The following MEOX1 variants were observed in gnomAD, a reference collection of about 807,000 sequenced individuals.
MEOX1 encodes homeobox protein MOX-1.
In MEOX1, 17 loss-of-function variants were observed where a neutral mutation model predicts 23.2. The observed-to-expected ratio is 0.73, with a 90% CI of 0.50 to 1.10. MEOX1 has a LOEUF of 1.10. Ranked by LOEUF, MEOX1 falls within the 50% of genes least tolerant of loss-of-function variation. MEOX1 has a pLI of 0.00. For synonymous variants in MEOX1, 134 were observed against 135.1 expected (o/e 0.99, Z 0.06); for missense variants, 333 against 332.2 (o/e 1.00, Z -0.02).
chr17:43,658,322 C>T (rs1225970145), intron 1 of MEOX1, among the ~76,000 whole-genome samples: 3 of 152,108 alleles, frequency 2.0e-5, no homozygotes, highest in Non-Finnish European at 4.4e-5. Context: ...TCCTGACCAA[C>T]ATGGTAAAAC....
At chr17:43,645,370 C>G (rs1157167735) in intron 1 of MEOX1, among the ~76,000 whole-genome samples, 2 of 151,848 alleles carry the variant, frequency 1.3e-5, no homozygotes, top group Non-Finnish European at 1.5e-5. Context: ...GTAGAGACGA[C>G]GTTTCACTGT....
At chr17:43,656,705 T>C (rs1469862499) in intron 1 of MEOX1, among the ~76,000 whole-genome samples, 1 of 152,188 alleles carries the variant, frequency 6.6e-6, no homozygotes, top group African/African-American at 2.4e-5. Flanking sequence ...CGGATTCACC[T>C]GTAGCCACTC....
At chr17:43,659,668 A>G (rs1214056070) in intron 1 of MEOX1, among the ~76,000 whole-genome samples, 3 of 152,160 alleles carry the variant, frequency 2.0e-5, no homozygotes, top group African/African-American at 7.2e-5. Context: ...GTTTGACCCC[A>G]TTCTTTCTGT....
At chr17:43,655,067 A>T (rs1972990399) in intron 1 of MEOX1, among the ~76,000 whole-genome samples, 1 of 151,978 alleles carries the variant, frequency 6.6e-6, no homozygotes, top group African/African-American at 2.4e-5. Context: ...AGAAAAAGAA[A>T]AAGAAAATAC....
rs745645557 is a variant in MEOX1 at position 43,641,888 on chromosome 17, C to A, written c.*22G>T. The A allele has an allele frequency of 4.4e-6, 7 of 1,605,560 alleles. No individual in the cohort carries two copies. Among genetic ancestry groups the A allele is most frequent in the Non-Finnish European group, 6.0e-6 (7 of 1,176,196 alleles). ...TTGGGTAGGGGGCTCAGTCCTTAGT[C>A]ATTTTTCCTCCATGCAGAATCTCAC... On this transcript the variant is annotated 3_prime_UTR_variant, in exon 3 of 3. Coordinates refer to ENST00000318579, the MANE Select transcript of MEOX1 (RefSeq NM_004527.4).
chr17:43,648,431 C>A (rs564148292), intron 1 of MEOX1, among the ~76,000 whole-genome samples: 5 of 148,280 alleles, frequency 3.4e-5, no homozygotes, highest in African/African-American at 1.3e-4. Context: ...AGTACCACTG[C>A]ACTCCAGCCT....
rs1378763706 is a variant in MEOX1, at chr17:43,640,477, T to C, written c.*1433A>G. 1 of 152,160 alleles carries C rather than the reference T, an allele frequency of 6.6e-6. No homozygotes were observed. Among genetic ancestry groups the C allele is most frequent in the Non-Finnish European group, 1.5e-5 (1 of 68,026 alleles). 9.4% of individuals were successfully genotyped at this position (152,160 alleles called of 1,614,324 possible). ...TTAGCTTGATGTAATCTTAAGAAAA[T>C]ATATGAAGTATGCTTTAGAAAAAAT... is the stretch of plus-strand genomic sequence containing the variant. On this transcript the variant is annotated 3_prime_UTR_variant, in exon 3 of 3. Transcript: ENST00000318579.
At chr17:43,658,648 C>G (rs933057077) in intron 1 of MEOX1, among the ~76,000 whole-genome samples, 2 of 151,888 alleles carry the variant, frequency 1.3e-5, no homozygotes, top group African/African-American at 2.4e-5. Flanking sequence ...GGGTGGGGGG[C>G]TCTCTGTGGG....
Position 43,641,601 on chromosome 17 carries a change from G to A in MEOX1, c.*309C>T, listed in dbSNP as rs1972695298. The A allele has an allele frequency of 2.1e-5, 5 of 234,616 alleles. No individual in the cohort carries two copies. Among genetic ancestry groups the A allele is most frequent in the African/African-American group, 2.3e-5 (1 of 44,256 alleles). 14.5% of individuals were successfully genotyped at this position (234,616 alleles called of 1,614,324 possible). A position where few individuals can be genotyped will look rare whatever the true frequency, so the allele number is the denominator to read the frequency against. ...GCGGTAGGAGGAGGCATGGGTGGCAGCCAAGAGACGCTGAGAAGCAGTATC... is the reference window on the plus strand; with the variant it reads ...GCGGTAGGAGGAGGCATGGGTGGCAACCAAGAGACGCTGAGAAGCAGTATC... On this transcript the variant is annotated 3_prime_UTR_variant, in exon 3 of 3. Transcript: ENST00000318579.
In MEOX1 at chr17:43,643,527, T is replaced by C; in HGVS notation, c.603A>G (p.Arg201=). ...AHHNYLTRLR[R]YEIAVNLDLS... ...GGTCCAGGTTTACCGCAATCTCATA[T>C]CTGCGGAGCCGAGTCAGGTAGTTAT... Residue 201 remains arginine (R), a synonymous_variant, in exon 2 of 3, where the codon AGA becomes AGG. Transcript: ENST00000318579. 1 of 1,606,320 alleles carries C rather than the reference T, an allele frequency of 6.2e-7. No individual in the cohort carries two copies. Among genetic ancestry groups the C allele is most frequent in the Non-Finnish European group, 8.5e-7 (1 of 1,176,736 alleles).
At chr17:43,652,896 A>T (rs1270820523) in intron 1 of MEOX1, among the ~76,000 whole-genome samples, 1 of 121,850 alleles carries the variant, frequency 8.2e-6, no homozygotes, top group Admixed American at 1.2e-4. Context: ...CAGTGGTGTG[A>T]TCTCGGCTCA....
intron 1 of MEOX1, among the ~76,000 whole-genome samples, chr17:43,648,466 CAAAAAA>C (rs67553599): frequency 1.9e-5 from 2 of 107,500 alleles, no homozygotes; most frequent in African/African-American, 6.3e-5. Flanking sequence ...GACTCTGTCT[CAAAAAA>C]AAAAAAAAAA....
At chr17:43,654,793 C>T (rs770859911) in intron 1 of MEOX1, among the ~76,000 whole-genome samples, 10 of 152,110 alleles carry the variant, frequency 6.6e-5, no homozygotes, top group Non-Finnish European at 1.2e-4. Context: ...TGACTCACAC[C>T]TGTAATCCCA....
chr17:43,657,046 C>CTTTCT (rs1555567849), intron 1 of MEOX1, among the ~76,000 whole-genome samples: 65 of 136,434 alleles, frequency 4.8e-4, no homozygotes, highest in South Asian at 3.7e-3. Context: ...TTCTTTCTTT[C>CTTTCT]TTTCTTTCTT....
intron 1 of MEOX1, among the ~76,000 whole-genome samples, chr17:43,646,765 C>T (rs1303035796): frequency 1.3e-5 from 2 of 152,134 alleles, no homozygotes; most frequent in Middle Eastern, 3.2e-3. Context: ...CACCTGAGAT[C>T]GGGAGTTCGC....
intron 1 of MEOX1, among the ~76,000 whole-genome samples, chr17:43,644,374 A>G (rs560722168): frequency 1.1e-4 from 16 of 152,358 alleles, no homozygotes; most frequent in African/African-American, 3.4e-4. Flanking sequence ...AGCAGGCTGC[A>G]TGTTAGATTC....
Position 43,661,417 on chromosome 17 carries a change from G to A in MEOX1, c.118C>T (p.Pro40Ser). The A allele has an allele frequency of 6.2e-7, 1 of 1,611,854 alleles. No individual in the cohort carries two copies. The highest frequency in any genetic ancestry group is 8.5e-7 in the Non-Finnish European group (1 of 1,178,582). The change falls in exon 1 of 3, where the codon CCC (proline) becomes TCC (serine). Residue 40 changes from proline (P) to serine (S), a missense_variant. By Grantham distance (74) the Pro-to-Ser change is moderately conservative (BLOSUM62 -1). Transcript: ENST00000318579. ...TTCTGGTGGAAGGAGAACGGGGTGG[G>A]CGGGTAGTGGGGTAGCCCTGAGGCC... ...NGASGLPHYP[P>S]TPFSFHQKPD... is the part of the protein sequence containing the mutation.
chr17:43,647,080 T>C (rs910678088), intron 1 of MEOX1, among the ~76,000 whole-genome samples: 1 of 152,228 alleles, frequency 6.6e-6, no homozygotes, highest in Non-Finnish European at 1.5e-5. Flanking sequence ...TAGAAACAGA[T>C]GCACTTCTTG....
chr17:43,640,695 C>T lies in MEOX1; in HGVS notation c.*1215G>A, dbSNP rs11422. 20,214 of 152,158 alleles carry T rather than the reference C, an allele frequency of 0.13. 1,672 individuals carry two copies. The highest frequency in any genetic ancestry group is 0.22 in the East Asian group (1,125 of 5,162). 9.4% of individuals were successfully genotyped at this position (152,158 alleles called of 1,614,324 possible). ...GCGCTGAGGCAGCCAGGGCTTCAGT[C>T]CCCCATGCTCTTTGGCCATCAGTCC... On this transcript the variant is annotated 3_prime_UTR_variant, in exon 3 of 3. Coordinates refer to ENST00000318579, the MANE Select transcript of MEOX1 (RefSeq NM_004527.4).
Sources: allele counts gnomAD v4.1 joint callset (sites outside exome capture counted in the v4.1 genomes callset), GRCh38; gene constraint gnomAD v4.1.1; transcripts MANE v1.5; gene names NCBI Gene and HGNC (gene_info 2026-07-23, HGNC 2026-07-21).